LRRC4C: variants seen among roughly 807,000 people sequenced by gnomAD.
LRRC4C encodes the protein leucine-rich repeat-containing protein 4C.
Under a neutral mutation model 33.6 loss-of-function variants are expected in LRRC4C, and 5 were observed. The observed-to-expected ratio is 0.15, with a 90% CI of 0.08 to 0.31. The LOEUF (loss-of-function observed/expected upper bound fraction) is 0.31, where lower values mean the gene tolerates loss of function less well. Ranked by LOEUF, LRRC4C falls within the 10% of genes least tolerant of loss-of-function variation. LRRC4C has a pLI of 1.00. For synonymous variants in LRRC4C, 329 were observed against 302.0 expected (o/e 1.09, Z -0.93); for missense variants, 560 against 796.7 (o/e 0.70, Z 3.58).
chr11:40,700,589 T>A (rs3924225), intron 2 of LRRC4C, among the ~76,000 whole-genome samples: 49,942 of 151,698 alleles, frequency 0.33, 8,262 homozygotes, highest in East Asian at 0.43. Flanking sequence ...AGGGAGACTC[T>A]GTTACTTGCC....
intron 3 of LRRC4C, among the ~76,000 whole-genome samples, chr11:40,554,362 G>A (rs1957247509): frequency 6.6e-6 from 1 of 152,140 alleles, no homozygotes; most frequent in East Asian, 1.9e-4. Flanking sequence ...GCATGCTGTA[G>A]TCTTGTAGTG....
At chr11:40,317,159 G>C (rs567373565) in intron 4 of LRRC4C, among the ~76,000 whole-genome samples, 1 of 150,746 alleles carries the variant, frequency 6.6e-6, no homozygotes, top group African/African-American at 2.4e-5. Flanking sequence ...GGGGTCTTCA[G>C]TAAAGGTCCT....
chr11:40,977,626 G>A (rs1852181417), intron 1 of LRRC4C, among the ~76,000 whole-genome samples: 1 of 152,036 alleles, frequency 6.6e-6, no homozygotes, highest in Non-Finnish European at 1.5e-5. Flanking sequence ...AAGATCCAAG[G>A]AGAAAATGAC....
intron 4 of LRRC4C, among the ~76,000 whole-genome samples, chr11:40,297,540 G>A (rs1474236139): frequency 1.3e-5 from 2 of 151,664 alleles, no homozygotes; most frequent in Non-Finnish European, 2.9e-5. Context: ...TTTATTTCTT[G>A]AAATATAGAT....
chr11:41,235,260 G>A (rs1476813176), intron 1 of LRRC4C, among the ~76,000 whole-genome samples: 1 of 151,988 alleles, frequency 6.6e-6, no homozygotes, highest in East Asian at 1.9e-4. Flanking sequence ...TAACGCAGAA[G>A]ACGCTAAAAA....
chr11:40,907,144 T>C (rs370682881), intron 2 of LRRC4C, among the ~76,000 whole-genome samples: 1 of 152,360 alleles, frequency 6.6e-6, no homozygotes, highest in South Asian at 2.1e-4. Context: ...AACAGTCTTC[T>C]ATCAGATAGT....
At chr11:40,293,720 T>C (rs536086958) in intron 4 of LRRC4C, 1 of 152,320 alleles carries the variant, frequency 6.6e-6, no homozygotes, top group South Asian at 2.1e-4. Context: ...GCAGCTTTGA[T>C]CTCATTTCCA....
At chr11:41,052,671 G>A (rs1316578302) in intron 1 of LRRC4C, among the ~76,000 whole-genome samples, 2 of 152,032 alleles carry the variant, frequency 1.3e-5, no homozygotes, top group African/African-American at 4.8e-5. Flanking sequence ...AAAACAGTGA[G>A]TAGGTGACTA....
intron 2 of LRRC4C, among the ~76,000 whole-genome samples, chr11:40,845,646 T>C (rs1223069619): frequency 6.6e-6 from 1 of 152,348 alleles, no homozygotes; most frequent in South Asian, 2.1e-4. Flanking sequence ...AACATACCTG[T>C]GCATGTGTCT....
chr11:40,462,760 G>C (rs1336856938), intron 3 of LRRC4C, among the ~76,000 whole-genome samples: 1 of 152,058 alleles, frequency 6.6e-6, no homozygotes, highest in Non-Finnish European at 1.5e-5. Context: ...CCCAGATGTA[G>C]AGTTGCCTCC....
chr11:41,303,660 G>A (rs1480657668), intron 1 of LRRC4C, among the ~76,000 whole-genome samples: 3 of 20,912 alleles, frequency 1.4e-4, no homozygotes, highest in African/African-American at 4.0e-4. Flanking sequence ...CTTCCCAGCC[G>A]CCATCACATC....
At chr11:41,415,565 G>A (rs906123300) in intron 1 of LRRC4C, among the ~76,000 whole-genome samples, 30 of 152,184 alleles carry the variant, frequency 2.0e-4, no homozygotes, top group African/African-American at 6.5e-4. Context: ...TTAGATCCAT[G>A]GTTTTCAAAG....
At chr11:40,678,203 G>A (rs1002294787) in intron 2 of LRRC4C, among the ~76,000 whole-genome samples, 1 of 151,500 alleles carries the variant, frequency 6.6e-6, no homozygotes, top group African/African-American at 2.4e-5. Flanking sequence ...GGTATATCGT[G>A]TAATACTGAG....
At chr11:40,804,360 G>A (rs1048661148) in intron 2 of LRRC4C, among the ~76,000 whole-genome samples, 3 of 152,148 alleles carry the variant, frequency 2.0e-5, no homozygotes, top group Non-Finnish European at 4.4e-5. Flanking sequence ...TATTTCTAGA[G>A]CCTTGGTTTA....
intron 5 of LRRC4C, among the ~76,000 whole-genome samples, chr11:40,191,421 C>T (rs1861832997): frequency 6.6e-6 from 1 of 152,164 alleles, no homozygotes; most frequent in Non-Finnish European, 1.5e-5. Context: ...CTTTGTGCCT[C>T]AGTGTTTTTG....
intron 3 of LRRC4C, among the ~76,000 whole-genome samples, chr11:40,474,083 C>G (rs1953081232): frequency 9.0e-6 from 1 of 110,558 alleles, no homozygotes; most frequent in South Asian, 2.9e-4. Context: ...ACTTTCTTCA[C>G]AGAATTAGAA....
intron 2 of LRRC4C, among the ~76,000 whole-genome samples, chr11:40,911,924 T>A (rs897418936): frequency 1.8e-4 from 27 of 152,096 alleles, no homozygotes; most frequent in African/African-American, 6.3e-4. Context: ...GCCGATTCAA[T>A]CAACTGGAAT....
chr11:40,875,258 T>C (rs909477978), intron 2 of LRRC4C, among the ~76,000 whole-genome samples: 1 of 152,190 alleles, frequency 6.6e-6, no homozygotes, highest in Non-Finnish European at 1.5e-5. Context: ...GGCAATACTT[T>C]ATTTTTTAAT....
chr11:41,384,382 T>G (rs1953273526), intron 1 of LRRC4C, among the ~76,000 whole-genome samples: 1 of 151,946 alleles, frequency 6.6e-6, no homozygotes, highest in African/African-American at 2.4e-5. Flanking sequence ...ACACTTTTCA[T>G]CAGACTCAAT....
Sources: allele counts gnomAD v4.1 joint callset (sites outside exome capture counted in the v4.1 genomes callset), GRCh38; gene constraint gnomAD v4.1.1; transcripts MANE v1.5; gene names NCBI Gene and HGNC (gene_info 2026-07-23, HGNC 2026-07-21).